The following DPP10 variants were observed in gnomAD, a reference collection of about 807,000 sequenced individuals.
DPP10 encodes the protein inactive dipeptidyl peptidase 10.
In DPP10, 33 loss-of-function variants were observed where a neutral mutation model predicts 120.9. The observed-to-expected ratio is 0.27, with a 90% confidence interval of 0.21 to 0.37. DPP10 has a LOEUF of 0.37. Ranked by LOEUF, DPP10 falls within the 10% of genes least tolerant of loss-of-function variation. The probability of loss-of-function intolerance (pLI) is 1.00; values close to 1 mark genes in which losing one functional copy is unlikely to be tolerated. For missense variants in DPP10, 816 were observed against 942.8 expected, an observed-to-expected ratio of 0.87 and a Z score of 1.76; for synonymous variants, 337 against 326.1, an observed-to-expected ratio of 1.03 and a Z score of -0.36.
At chr2:115,024,407 T>A (rs947384300) in intron 1 of DPP10, among the ~76,000 whole-genome samples, 1 of 152,030 alleles carries the variant, frequency 6.6e-6, no homozygotes, top group African/African-American at 2.4e-5. Flanking sequence ...TTAATTTTGT[T>A]TAATGATTCC....
chr2:115,433,808 G>T (rs2071228917), intron 3 of DPP10, among the ~76,000 whole-genome samples: 1 of 151,884 alleles, frequency 6.6e-6, no homozygotes, highest in South Asian at 2.1e-4. Context: ...TTAGCTAAAT[G>T]AGCTTTTTAT....
chr2:114,537,349 G>A (rs1686588851), intron 1 of DPP10, among the ~76,000 whole-genome samples: 1 of 152,126 alleles, frequency 6.6e-6, no homozygotes, highest in African/African-American at 2.4e-5. Flanking sequence ...GGATCTCTCG[G>A]AAGGATAGGA....
intron 1 of DPP10, among the ~76,000 whole-genome samples, chr2:114,847,607 T>C (rs1688641992): frequency 6.6e-6 from 1 of 152,190 alleles, no homozygotes; most frequent in Admixed American, 6.6e-5. Context: ...AGTTCATCTA[T>C]AGAAAGCAGA....
rs897571499 is a variant in DPP10 at position 114,637,442 on chromosome 2, C to T, written c.60+194604C>T. 2.6e-5 allele frequency among the ~76,000 whole-genome samples: 4 copies of T among 151,896 alleles called. 1 individual carries two copies. The highest frequency in any genetic ancestry group is 9.7e-5 in the African/African-American group (4 of 41,186). On this transcript the variant is annotated intron_variant, in intron 1 of 25. Transcript: ENST00000410059. ...CCCAGAAGCTAATTAATACAAATCA[C>T]ACTTAAGATTTTATTTCAAGTGCTG...
chr2:114,464,201 G>C (rs918727204), intron 1 of DPP10, among the ~76,000 whole-genome samples: 2 of 152,202 alleles, frequency 1.3e-5, no homozygotes, highest in African/African-American at 4.8e-5. Context: ...GTCTTTCGAA[G>C]TGGCTATACC....
At chr2:115,133,969 C>T (rs533183030) in intron 1 of DPP10, among the ~76,000 whole-genome samples, 3 of 152,234 alleles carry the variant, frequency 2.0e-5, no homozygotes, top group Non-Finnish European at 2.9e-5. Flanking sequence ...TTTGTCCCCA[C>T]GTTAACAGAC....
At chr2:115,126,157 T>G (rs1336115406) in intron 1 of DPP10, among the ~76,000 whole-genome samples, 2 of 152,178 alleles carry the variant, frequency 1.3e-5, no homozygotes, top group Non-Finnish European at 2.9e-5. Context: ...CTCACTCTGT[T>G]GACCAGGCTG....
In DPP10 at chr2:114,812,960, G is replaced by C. The variant is rs566084933; in HGVS notation, c.60+370122G>C. ...ATTCCGTATTTTTTAAGATGCGATGGTTTCCCTGGGCAACAGTGTTGAATT... is the reference window on the plus strand; with the variant it reads ...ATTCCGTATTTTTTAAGATGCGATGCTTTCCCTGGGCAACAGTGTTGAATT... On this transcript the variant is annotated intron_variant, in intron 1 of 25. Coordinates refer to ENST00000410059, the MANE Select transcript of DPP10 (RefSeq NM_020868.6). Among the ~76,000 whole-genome samples the C allele has an allele frequency of 1.1e-4, 16 of 152,190 alleles. No homozygotes were observed. In the East Asian group the frequency reaches 2.9e-3, roughly 28 times the overall value.
At chr2:115,615,622 T>C (rs2084435806) in intron 5 of DPP10, among the ~76,000 whole-genome samples, 1 of 152,160 alleles carries the variant, frequency 6.6e-6, no homozygotes, top group African/African-American at 2.4e-5. Context: ...ATAAAAACAA[T>C]TGCTTTCCTA....
At chr2:115,489,786 A>G (rs1005084545) in intron 3 of DPP10, among the ~76,000 whole-genome samples, 3 of 151,994 alleles carry the variant, frequency 2.0e-5, no homozygotes, top group Admixed American at 1.3e-4. Context: ...TCTGCAGACA[A>G]TCTCTATTAA....
chr2:114,944,697 C>T (rs1314092458), intron 1 of DPP10, among the ~76,000 whole-genome samples: 2 of 152,168 alleles, frequency 1.3e-5, no homozygotes, highest in African/African-American at 2.4e-5. Flanking sequence ...AAGGTTTTTA[C>T]ATTAGGCATT....
intron 5 of DPP10, among the ~76,000 whole-genome samples, chr2:115,649,578 A>G (rs1284575444): frequency 1.3e-5 from 2 of 152,108 alleles, no homozygotes; most frequent in Admixed American, 6.6e-5. Flanking sequence ...AGTTGCTTTC[A>G]GACTAATTTA....
chr2:115,414,498 A>G (rs1456774342), intron 3 of DPP10, among the ~76,000 whole-genome samples: 1 of 152,222 alleles, frequency 6.6e-6, no homozygotes, highest in East Asian at 1.9e-4. Flanking sequence ...AATATATCAG[A>G]GAAGTCTATT....
At chr2:114,650,534 G>C (rs1696507274) in intron 1 of DPP10, among the ~76,000 whole-genome samples, 1 of 152,132 alleles carries the variant, frequency 6.6e-6, no homozygotes, top group Admixed American at 6.5e-5. Flanking sequence ...TACTGTGGCT[G>C]CCTTCAAGAT....
At chr2:115,194,029 A>T (rs2055071801) in intron 1 of DPP10, among the ~76,000 whole-genome samples, 1 of 152,206 alleles carries the variant, frequency 6.6e-6, no homozygotes, top group Non-Finnish European at 1.5e-5. Flanking sequence ...CTAACAAAAT[A>T]GCCTCACACT....
Position 115,750,163 on chromosome 2 carries a change from G to C in DPP10, c.951-3011G>C, listed in dbSNP as rs150148265. The C allele has an allele frequency of 3.0e-6, 3 of 985,394 alleles. No individual in the cohort carries two copies. The East Asian group carries it at 3.4e-4, about 112-fold the overall frequency. The allele number at this position is 985,394 out of a possible 1,614,324, so 61.0% of individuals were successfully genotyped here. On this transcript the variant is annotated intron_variant, in intron 10 of 25. Transcript: ENST00000410059. ...TTCCAGGAGGACAGCTACATCTGCA[G>C]CAGGCAGGCCAACGAGTGTGACATT...
chr2:114,886,136 A>G (rs1018782739), intron 1 of DPP10, among the ~76,000 whole-genome samples: 2 of 152,198 alleles, frequency 1.3e-5, no homozygotes, highest in Non-Finnish European at 2.9e-5. Context: ...AGATGAAATA[A>G]CATTGCTGGA....
intron 1 of DPP10, among the ~76,000 whole-genome samples, chr2:114,488,706 G>T (rs989564842): frequency 6.6e-6 from 1 of 152,194 alleles, no homozygotes; most frequent in Admixed American, 6.5e-5. Context: ...CTGTGCAGAA[G>T]ACATTTTGGA....
chr2:115,613,993 A>G lies in DPP10; in HGVS notation c.442-75694A>G, dbSNP rs77782866. On this transcript the variant is annotated intron_variant, in intron 5 of 25. Transcript: ENST00000410059. ...CAGTCCCTGATTTAAAGCTGATCCC[A>G]AAGGCATTAATTACCAATAATTCTG... Among the ~76,000 whole-genome samples, 1,093 of 152,262 alleles carry G rather than the reference A, an allele frequency of 7.2e-3. 11 individuals are homozygous for G. Among genetic ancestry groups the G allele is most frequent in the African/African-American group, 0.025 (1,038 of 41,542 alleles).
Sources: gnomAD v4.1 joint callset for allele counts (sites outside exome capture counted in the v4.1 genomes callset) on GRCh38, gnomAD v4.1.1 for gene constraint, MANE v1.5 for transcripts, NCBI Gene and HGNC (gene_info 2026-07-23, HGNC 2026-07-21) for gene names.